Variants in FAM13A observed in about 807,000 individuals in gnomAD.
FAM13A encodes family with sequence similarity 13 member A, also known as protein FAM13A.
In FAM13A, 76 loss-of-function variants were observed where a neutral mutation model predicts 129.6. The ratio of observed to expected loss-of-function variants is 0.59; its 90% CI spans 0.49 to 0.71. FAM13A has a LOEUF of 0.71. FAM13A is among the 30% of genes least tolerant of loss of function. The pLI, the probability that FAM13A is intolerant of heterozygous loss-of-function variation, is 0.00. For missense variants in FAM13A, 1,108 were observed against 1,249.3 expected, an observed-to-expected ratio of 0.89 and a Z score of 1.70; for synonymous variants, 443 against 449.9, an observed-to-expected ratio of 0.98 and a Z score of 0.20.
At chr4:88,864,221 C>A (rs955177961) in intron 6 of FAM13A, among the ~76,000 whole-genome samples, 10 of 152,176 alleles carry the variant, frequency 6.6e-5, no homozygotes, top group African/African-American at 2.4e-4. Context: ...AGAAGTGATC[C>A]TTTCCAGTCA....
intron 16 of FAM13A, 65 bp from the exon 17 acceptor site, chr4:88,749,098 T>C: frequency 8.3e-7 from 1 of 1,200,822 alleles, no homozygotes; most frequent in Non-Finnish European, 1.2e-6. Context: ...AAGTGTTTGA[T>C]GATCATTTTT....
intron 7 of FAM13A, among the ~76,000 whole-genome samples, chr4:88,848,293 G>C (rs11944131): frequency 0.013 from 1,967 of 152,272 alleles, 46 homozygotes; most frequent in African/African-American, 0.045. Flanking sequence ...CTCAAGCTGC[G>C]TTACACAAGA....
chr4:88,781,111 A>C (rs897604593), intron 11 of FAM13A, 54 bp downstream of exon 11: 146 of 1,241,804 alleles, frequency 1.2e-4, no homozygotes, highest in Non-Finnish European at 1.4e-4. Flanking sequence ...CAAAGCAAAG[A>C]AAAGAGATGT....
chr4:88,894,287 T>C (rs1363933726), intron 6 of FAM13A, among the ~76,000 whole-genome samples: 1 of 152,184 alleles, frequency 6.6e-6, no homozygotes, highest in Non-Finnish European at 1.5e-5. Context: ...GTGACTTAAA[T>C]ATTGGAGACA....
chr4:88,834,385 T>C (rs1348195409), intron 7 of FAM13A, among the ~76,000 whole-genome samples: 1 of 151,954 alleles, frequency 6.6e-6, no homozygotes, highest in African/African-American at 2.4e-5. Flanking sequence ...GTGGAAAAAA[T>C]AAAATTTCAA....
chr4:88,866,572 C>A (rs1347001614), intron 6 of FAM13A, among the ~76,000 whole-genome samples: 1 of 152,026 alleles, frequency 6.6e-6, no homozygotes, highest in Non-Finnish European at 1.5e-5. Flanking sequence ...CCAACTGTAT[C>A]TACATAATTA....
chr4:88,751,168 G>T (rs1228707550), intron 14 of FAM13A, among the ~76,000 whole-genome samples: 3 of 152,192 alleles, frequency 2.0e-5, no homozygotes, highest in African/African-American at 7.2e-5. Flanking sequence ...CTTGAACCCA[G>T]GAGGTGGAGT....
intron 4 of FAM13A, among the ~76,000 whole-genome samples, chr4:88,974,549 C>T (rs1760640175): frequency 6.6e-6 from 1 of 151,984 alleles, no homozygotes; most frequent in South Asian, 2.1e-4. Flanking sequence ...GTGATCTTGG[C>T]TCACTGCAAC....
At chr4:88,748,516 ATT>A (rs1741865054) in intron 17 of FAM13A, among the ~76,000 whole-genome samples, 1 of 152,182 alleles carries the variant, frequency 6.6e-6, no homozygotes, top group Non-Finnish European at 1.5e-5. Flanking sequence ...TTATTCTGAA[ATT>A]AGGTTCACTT....
intron 4 of FAM13A, among the ~76,000 whole-genome samples, chr4:88,963,446 T>C (rs1480023765): frequency 1.3e-5 from 2 of 152,104 alleles, no homozygotes; most frequent in South Asian, 2.1e-4. Context: ...TATAGGCACC[T>C]GCCACCATGC....
At chr4:88,750,325 C>T (rs770208282) in intron 15 of FAM13A, 99 bp downstream of exon 15, 11 of 974,100 alleles carry the variant, frequency 1.1e-5, no homozygotes, top group East Asian at 4.8e-5. Flanking sequence ...CATAGGCTCA[C>T]GACTTAATTA....
intron 3 of FAM13A, among the ~76,000 whole-genome samples, chr4:88,992,441 T>C (rs1245177460): frequency 6.6e-6 from 1 of 152,098 alleles, no homozygotes; most frequent in Non-Finnish European, 1.5e-5. Flanking sequence ...CGGCTAATTT[T>C]TGTATTTTTA....
Position 89,056,968 on chromosome 4 carries a change from C to T in FAM13A, c.-4G>A. On this transcript the variant is annotated 5_prime_UTR_variant, in exon 1 of 24. Transcript: ENST00000264344. Reference sequence around the variant, plus strand: ...TGGCTAGAGCTCCTGCCCCCATTCTCTCAGAAAGCGTCTGGAAGAACTGAG... The same window carrying T: ...TGGCTAGAGCTCCTGCCCCCATTCTTTCAGAAAGCGTCTGGAAGAACTGAG... The T allele has an allele frequency of 1.2e-6, 2 of 1,613,584 alleles. No homozygotes were observed. The highest frequency in any genetic ancestry group is 2.7e-5 in the African/African-American group (2 of 75,006).
chr4:89,032,523 TA>T (rs1768842871), intron 1 of FAM13A, among the ~76,000 whole-genome samples: 1 of 152,146 alleles, frequency 6.6e-6, no homozygotes, highest in Non-Finnish European at 1.5e-5. Flanking sequence ...AATCAGGACC[TA>T]AAAAATTGTG....
intron 4 of FAM13A, among the ~76,000 whole-genome samples, chr4:88,973,569 C>T (rs1760450803): frequency 1.5e-5 from 2 of 129,438 alleles, no homozygotes; most frequent in African/African-American, 6.0e-5. Context: ...CTACTTTATC[C>T]ATTAGGGCCC....
At chr4:89,048,548 TAC>T in intron 1 of FAM13A, among the ~76,000 whole-genome samples, 1 of 152,184 alleles carries the variant, frequency 6.6e-6, no homozygotes. Context: ...CATTAAACTG[TAC>T]AGTTTTAATG....
At chr4:88,768,745 T>C (rs749110217) in intron 11 of FAM13A, among the ~76,000 whole-genome samples, 73 of 152,226 alleles carry the variant, frequency 4.8e-4, no homozygotes, top group Admixed American at 9.2e-4. Flanking sequence ...TTAGCCAAGA[T>C]GGAAAAAGTA....
At chr4:88,785,216 G>C (rs539251182) in intron 10 of FAM13A, among the ~76,000 whole-genome samples, 2 of 152,130 alleles carry the variant, frequency 1.3e-5, no homozygotes, top group African/African-American at 4.8e-5. Context: ...AATATAAATA[G>C]ATTTCTATGT....
chr4:88,956,376 T>C (rs1757756968), intron 4 of FAM13A, among the ~76,000 whole-genome samples: 1 of 152,208 alleles, frequency 6.6e-6, no homozygotes, highest in Non-Finnish European at 1.5e-5. Context: ...ATAGACTATA[T>C]CATATAGCCT....
Sources: gnomAD v4.1 joint callset for allele counts (sites outside exome capture counted in the v4.1 genomes callset) on GRCh38, gnomAD v4.1.1 for gene constraint, MANE v1.5 for transcripts, NCBI Gene and HGNC (gene_info 2026-07-23, HGNC 2026-07-21) for gene names.